The following LRP1B variants were observed in gnomAD, a reference collection of about 807,000 sequenced individuals.
LRP1B encodes low-density lipoprotein receptor-related protein 1B.
LRP1B carries 217 observed loss-of-function variants against 556.6 expected under a neutral mutation model. That is an observed-to-expected ratio of 0.39 (90% CI 0.35 to 0.44). The LOEUF is 0.44. LRP1B is among the 20% of genes least tolerant of loss of function. The probability of loss-of-function intolerance (pLI) is 1.00; values close to 1 mark genes in which losing one functional copy is unlikely to be tolerated. For missense variants in LRP1B, 5,053 were observed against 5,620.8 expected (o/e 0.90, Z 3.23); for synonymous variants, 2,047 against 1,865.8 (o/e 1.10, Z -2.50).
chr2:140,471,623 T>C (rs1687774042), intron 60 of LRP1B, among the ~76,000 whole-genome samples: 1 of 152,210 alleles, frequency 6.6e-6, no homozygotes, highest in Admixed American at 6.5e-5. Context: ...CCCACAGCTA[T>C]AATCACTTCA....
intron 66 of LRP1B, among the ~76,000 whole-genome samples, chr2:140,441,460 A>G (rs557874541): frequency 1.4e-4 from 21 of 152,324 alleles, no homozygotes; most frequent in African/African-American, 4.8e-4. Context: ...ATACTGTGGT[A>G]AGCTACACTG....
chr2:140,364,895 T>A (rs1008861132), intron 71 of LRP1B, 112 bp from the exon 72 acceptor site: 6 of 786,118 alleles, frequency 7.6e-6, no homozygotes, highest in Non-Finnish European at 1.2e-5. Context: ...TGCTTCCATA[T>A]ATGTATTATA....
chr2:141,367,911 TAAAAC>T (rs1689102890), intron 3 of LRP1B, among the ~76,000 whole-genome samples: 1 of 152,118 alleles, frequency 6.6e-6, no homozygotes, highest in Admixed American at 6.5e-5. Context: ...TAGATCATCA[TAAAAC>T]AAACAAAATT....
chr2:141,562,998 G>C (rs1229035072), intron 2 of LRP1B, among the ~76,000 whole-genome samples: 2 of 151,988 alleles, frequency 1.3e-5, no homozygotes, highest in Non-Finnish European at 2.9e-5. Flanking sequence ...TAGCAGAAAT[G>C]GAAATTGGGC....
At chr2:141,605,719 C>T (rs1395496596) in intron 2 of LRP1B, among the ~76,000 whole-genome samples, 1 of 152,108 alleles carries the variant, frequency 6.6e-6, no homozygotes, top group East Asian at 1.9e-4. Context: ...TTTCCATATG[C>T]CAAGAAAGAC....
chr2:142,086,341 C>A (rs1392178672), intron 1 of LRP1B, among the ~76,000 whole-genome samples: 2 of 152,128 alleles, frequency 1.3e-5, no homozygotes, highest in African/African-American at 4.8e-5. Flanking sequence ...TCTTAAAAAA[C>A]GGCTCACGCC....
chr2:141,257,137 T>A (rs1039436236), intron 3 of LRP1B, among the ~76,000 whole-genome samples: 28 of 152,056 alleles, frequency 1.8e-4, no homozygotes, highest in African/African-American at 6.8e-4. Flanking sequence ...GCCTGTAAAG[T>A]GCACTAGGCT....
chr2:141,602,491 C>G (rs1213935869), intron 2 of LRP1B, among the ~76,000 whole-genome samples: 1 of 152,160 alleles, frequency 6.6e-6, no homozygotes, highest in Non-Finnish European at 1.5e-5. Context: ...TTAAACATTT[C>G]ATAATCCTCT....
At chr2:141,074,591 A>ATATATATATATATGTTTTT (rs1699736837) in intron 7 of LRP1B, among the ~76,000 whole-genome samples, 1 of 83,404 alleles carries the variant, frequency 1.2e-5, no homozygotes, top group African/African-American at 4.3e-5. Flanking sequence ...CTCTCTCTCT[A>ATATATATATATATGTTTTT]TATATATATA....
intron 32 of LRP1B, among the ~76,000 whole-genome samples, chr2:140,783,582 G>A (rs528072823): frequency 2.4e-4 from 37 of 152,248 alleles, no homozygotes; most frequent in African/African-American, 8.9e-4. Context: ...ACCTGGTCAT[G>A]AGTTAATAGA....
At chr2:141,122,830 G>A (rs1312555165) in intron 7 of LRP1B, among the ~76,000 whole-genome samples, 1 of 152,106 alleles carries the variant, frequency 6.6e-6, no homozygotes, top group Non-Finnish European at 1.5e-5. Context: ...ATTCACAATA[G>A]CAAAGACTTG....
At position 140,817,399 on chromosome 2, in the gene LRP1B, T is replaced by G. The variant is rs188338673; in HGVS notation, c.5210-3593A>C. 2.6e-5 allele frequency among the ~76,000 whole-genome samples: 4 copies of G among 152,094 alleles called. No homozygotes were observed. In the East Asian group the frequency reaches 7.7e-4, roughly 29 times the overall value. On this transcript the variant is annotated intron_variant, in intron 31 of 90. Transcript: ENST00000389484. Reference sequence around the variant, plus strand: ...TTTATCTTTTTACTTATCTTTTCTATTTTTATAAAAATACAGCTAATCCAT... The same window carrying G: ...TTTATCTTTTTACTTATCTTTTCTAGTTTTATAAAAATACAGCTAATCCAT...
chr2:141,954,043 T>C (rs187962735), intron 1 of LRP1B, among the ~76,000 whole-genome samples: 17 of 152,242 alleles, frequency 1.1e-4, no homozygotes, highest in Admixed American at 3.9e-4. Context: ...TAATTACTTC[T>C]ATACCTCTCT....
Position 140,485,053 on chromosome 2 carries a change from A to C in LRP1B, c.9425+290T>G, listed in dbSNP as rs76023357. The stretch of plus-strand genomic sequence containing the variant: ...TTTCCTTCAAGATTTAAAGGCATTA[A>C]ATCAGTGAAATCTGTATGTTTTATT... On this transcript the variant is annotated intron_variant, in intron 59 of 90. Coordinates refer to ENST00000389484, the MANE Select transcript of LRP1B (RefSeq NM_018557.3). Among the ~76,000 whole-genome samples, 7,580 of 152,230 alleles carry C rather than the reference A, an allele frequency of 0.05. 229 individuals are homozygous for C. Among genetic ancestry groups the C allele is most frequent in the African/African-American group, 0.056 (2,341 of 41,534 alleles).
chr2:141,629,864 C>A (rs1370325), intron 2 of LRP1B, among the ~76,000 whole-genome samples: 1 of 151,724 alleles, frequency 6.6e-6, no homozygotes, highest in Non-Finnish European at 1.5e-5. Flanking sequence ...AGAATAGATA[C>A]CCAGCCAACT....
At chr2:141,362,367 G>A (rs1688856171) in intron 3 of LRP1B, among the ~76,000 whole-genome samples, 1 of 152,172 alleles carries the variant, frequency 6.6e-6, no homozygotes, top group Non-Finnish European at 1.5e-5. Flanking sequence ...GTCTTAACAG[G>A]TGCATGGGGC....
chr2:140,547,720 A>G (rs1047513025), intron 43 of LRP1B, among the ~76,000 whole-genome samples: 3 of 152,050 alleles, frequency 2.0e-5, no homozygotes, highest in Non-Finnish European at 4.4e-5. Context: ...ACTTAGAATG[A>G]AGAAATGGGC....
chr2:141,654,870 C>A (rs895714340), intron 2 of LRP1B, among the ~76,000 whole-genome samples: 8 of 151,892 alleles, frequency 5.3e-5, no homozygotes, highest in Non-Finnish European at 8.8e-5. Flanking sequence ...AGTCTGCGAG[C>A]GATATTTATG....
At chr2:140,373,905 A>G (rs948541043) in intron 68 of LRP1B, among the ~76,000 whole-genome samples, 1 of 152,204 alleles carries the variant, frequency 6.6e-6, no homozygotes, top group Admixed American at 6.5e-5. Context: ...TCTGTTTTGC[A>G]TGGGCAAAGC....
Sources: allele counts gnomAD v4.1 joint callset (sites outside exome capture counted in the v4.1 genomes callset), GRCh38; gene constraint gnomAD v4.1.1; transcripts MANE v1.5; gene names NCBI Gene and HGNC (gene_info 2026-07-23, HGNC 2026-07-21).